The following NFIB variants were observed in gnomAD, a reference collection of about 807,000 sequenced individuals.
The protein encoded by NFIB is nuclear factor I B, also known as nuclear factor 1 B-type.
NFIB carries 11 observed loss-of-function variants against 61.5 expected under a neutral mutation model. The observed-to-expected ratio is 0.18, with a 90% CI of 0.11 to 0.30. The LOEUF is 0.30. NFIB is among the 10% of genes least tolerant of loss of function. The pLI, the probability that NFIB is intolerant of heterozygous loss-of-function variation, is 1.00. For missense variants in NFIB, 471 were observed against 608.9 expected (o/e 0.77, Z 2.38); for synonymous variants, 260 against 216.5 (o/e 1.20, Z -1.76).
Position 14,120,554 on chromosome 9 carries a change from G to C in NFIB, c.1131C>G (p.Ala377=). ...TTGGATGAGAAAAGTAGCTCGATGG[G>C]GCTGGAGGAAGGATAGCTTGTGTTG... is the stretch of plus-strand genomic sequence containing the variant. ...PFPTQAILPP[A]PSSYFSHPTI... Residue 377 remains alanine, a synonymous_variant, in exon 8 of 11, where the codon GCC becomes GCG. Coordinates refer to ENST00000380953, the MANE Select transcript of NFIB (RefSeq NM_001190737.2). This position sits in a 1 kb window ranked among gnomAD's most constrained non-coding sequence, Gnocchi z 4.4. 6.2e-7 allele frequency: 1 copy of C among 1,613,970 alleles called. No individual in the cohort carries two copies. The highest frequency in any genetic ancestry group is 1.3e-5 in the African/African-American group (1 of 75,018).
At chr9:14,348,164 A>T (rs1374964228) in intron 1 of NFIB, among the ~76,000 whole-genome samples, 1 of 152,196 alleles carries the variant, frequency 6.6e-6, no homozygotes, top group Non-Finnish European at 1.5e-5. Context: ...CATTCTACAC[A>T]CCTACTGGCA....
the NFIB span, among the ~76,000 whole-genome samples, chr9:14,422,143 T>C: frequency 2.0e-5 from 3 of 152,196 alleles, no homozygotes; most frequent in Admixed American, 1.3e-4. Flanking sequence ...CCATGCTATG[T>C]AGGGTTAACA....
the NFIB span, among the ~76,000 whole-genome samples, chr9:14,445,019 C>T: frequency 1.3e-5 from 2 of 152,048 alleles, no homozygotes; most frequent in Non-Finnish European, 2.9e-5. Context: ...TTCTGTGGCT[C>T]GCTTTCTATA....
the NFIB span, among the ~76,000 whole-genome samples, chr9:14,508,871 T>C: frequency 6.6e-6 from 1 of 152,248 alleles, no homozygotes; most frequent in African/African-American, 2.4e-5. Context: ...GAACTGAATC[T>C]TCTTCTACTC....
rs960349530 is a variant in NFIB at position 14,289,563 on chromosome 9, A to C, written c.562+17426T>G. ...CATATAGATATAGATAGATAGATAT[A>C]CACACACACACATATAAATACACAT... On this transcript the variant is annotated intron_variant, in intron 2 of 10. Transcript: ENST00000380953. Among the ~76,000 whole-genome samples the C allele has an allele frequency of 3.4e-5, 5 of 147,782 alleles. No homozygotes were observed. In the South Asian group the frequency reaches 1.0e-3, roughly 31 times the overall value.
intron 2 of NFIB, among the ~76,000 whole-genome samples, chr9:14,290,820 G>A (rs1289842103): frequency 6.6e-6 from 1 of 152,120 alleles, no homozygotes; most frequent in African/African-American, 2.4e-5. Context: ...TGCCCCTAAT[G>A]TTCTATATTC....
chr9:14,250,514 T>C (rs990369881), intron 2 of NFIB, among the ~76,000 whole-genome samples: 1 of 152,212 alleles, frequency 6.6e-6, no homozygotes, highest in Non-Finnish European at 1.5e-5. Flanking sequence ...CATTGGCTAC[T>C]ACATCCCCAC....
At chr9:14,244,147 CTT>C (rs1306734606) in intron 2 of NFIB, among the ~76,000 whole-genome samples, 1 of 152,122 alleles carries the variant, frequency 6.6e-6, no homozygotes, top group Non-Finnish European at 1.5e-5. Flanking sequence ...GTGTATGTCT[CTT>C]TTAAGCATGC....
Position 14,313,356 on chromosome 9 carries a change from C to T in NFIB, c.30+126G>A. On this transcript the variant is annotated intron_variant, in intron 1 of 10. Coordinates refer to ENST00000380953, the MANE Select transcript of NFIB (RefSeq NM_001190737.2). The surrounding 1 kb of genome is among the most constrained non-coding windows in gnomAD (Gnocchi z 4.5). ...CGCCCCGCGACGCCCGCTGCAACTC[C>T]GGGCCACTTCTCCAAGGGACGGGGA... 1 of 1,380,974 alleles carries T rather than the reference C, an allele frequency of 7.2e-7. No homozygotes were observed. Among genetic ancestry groups the T allele is most frequent in the Non-Finnish European group, 9.9e-7 (1 of 1,012,334 alleles). 85.5% of individuals were successfully genotyped at this position (1,380,974 alleles called of 1,614,324 possible).
chr9:14,109,908 T>G (rs779151652), intron 10 of NFIB, among the ~76,000 whole-genome samples: 1 of 152,146 alleles, frequency 6.6e-6, no homozygotes, highest in East Asian at 1.9e-4. Flanking sequence ...CCCAAGCAGT[T>G]AGCAACCAAT....
chr9:14,210,090 T>A (rs572549769), intron 2 of NFIB, among the ~76,000 whole-genome samples: 1 of 152,316 alleles, frequency 6.6e-6, no homozygotes, highest in South Asian at 2.1e-4. Flanking sequence ...GCCTAACAAT[T>A]TGAATTGAAG....
the NFIB span, among the ~76,000 whole-genome samples, chr9:14,523,860 C>T: frequency 2.0e-5 from 3 of 152,136 alleles, no homozygotes; most frequent in African/African-American, 7.2e-5. Context: ...AAACTTATTG[C>T]TTTTGCTATG....
At chr9:14,314,791 C>CTT (rs773956206), upstream of NFIB, among the ~76,000 whole-genome samples, 59 of 133,984 alleles carry the variant, frequency 4.4e-4, no homozygotes, top group Non-Finnish European at 8.8e-4. Flanking sequence ...AGAACCATGA[C>CTT]TTTTTTTTTT....
At chr9:14,272,990 T>C (rs1166692049) in intron 2 of NFIB, among the ~76,000 whole-genome samples, 3 of 152,120 alleles carry the variant, frequency 2.0e-5, no homozygotes, top group African/African-American at 7.2e-5. Context: ...AATCAGAAGA[T>C]TTAGTCAGCC....
chr9:14,466,475 C>T, the NFIB span, among the ~76,000 whole-genome samples: 18 of 152,234 alleles, frequency 1.2e-4, no homozygotes, highest in Admixed American at 6.5e-4. Context: ...GTTTGACATT[C>T]TCCCCTCATA....
intron 1 of NFIB, among the ~76,000 whole-genome samples, chr9:14,343,714 A>G (rs979719290): frequency 6.6e-6 from 1 of 151,764 alleles, no homozygotes; most frequent in Non-Finnish European, 1.5e-5. Context: ...GGATTGGGAG[A>G]CAGGGAGGAG....
intron 4 of NFIB, among the ~76,000 whole-genome samples, chr9:14,150,748 G>A (rs1211154978): frequency 1.3e-5 from 2 of 151,992 alleles, no homozygotes; most frequent in African/African-American, 4.8e-5. Context: ...GTTAGGATAT[G>A]ATAATAATTA....
At chr9:14,182,166 GA>G (rs2046850375) in intron 2 of NFIB, among the ~76,000 whole-genome samples, 1 of 152,048 alleles carries the variant, frequency 6.6e-6, no homozygotes, top group African/African-American at 2.4e-5. Context: ...TTCTTCGATT[GA>G]AAAAATATAC....
chr9:14,127,366 A>C (rs1218625809), intron 6 of NFIB, among the ~76,000 whole-genome samples: 1 of 152,180 alleles, frequency 6.6e-6, no homozygotes, highest in Admixed American at 6.5e-5. Context: ...TGTTAACTGT[A>C]TTCACAAGTA....
Sources: gnomAD v4.1 joint callset for allele counts (sites outside exome capture counted in the v4.1 genomes callset) on GRCh38, gnomAD v4.1.1 for gene constraint, Gnocchi (gnomAD v3.1) non-coding constraint, MANE v1.5 for transcripts, NCBI Gene and HGNC (gene_info 2026-07-23, HGNC 2026-07-21) for gene names.